NLRP12: variants seen among roughly 807,000 people sequenced by gnomAD.
NLRP12 encodes NLR family pyrin domain containing 12.
NLRP12 carries 108 observed loss-of-function variants against 91.2 expected under a neutral mutation model. The observed-to-expected ratio is 1.18, with a 90% CI of 1.01 to 1.39. The LOEUF is 1.39. Ranked by LOEUF, NLRP12 falls within the 40% of genes most tolerant of loss-of-function variation. The probability of loss-of-function intolerance (pLI) is 0.00; values close to 1 mark genes in which losing one functional copy is unlikely to be tolerated. For synonymous variants in NLRP12, 613 were observed against 566.7 expected (o/e 1.08, Z -1.16); for missense variants, 1,530 against 1,352.7 (o/e 1.13, Z -2.06).
intron 6 of NLRP12, among the ~76,000 whole-genome samples, chr19:53,802,016 T>C (rs1460247810): frequency 6.6e-6 from 1 of 151,720 alleles, no homozygotes; most frequent in Non-Finnish European, 1.5e-5. Flanking sequence ...TCACCTGAGG[T>C]TGGGAGATGG....
Position 53,795,976 on chromosome 19 carries a change from A to C in NLRP12, c.2981T>G (p.Leu994Arg). ...GTCGGTCAAGGTCTGGTTGATCCCCAGGGTGAAGTAAAGATTCTCACAAGC... is the reference window on the plus strand; with the variant it reads ...GTCGGTCAAGGTCTGGTTGATCCCCCGGGTGAAGTAAAGATTCTCACAAGC... ...AKACENLYFT[L>R]GINQTLTDLY... Residue 994 changes from leucine (L) to arginine (R), a missense_variant, in exon 9 of 10, where the codon CTG becomes CGG. Coordinates refer to ENST00000324134, the MANE Select transcript of NLRP12 (RefSeq NM_144687.4). The C allele has an allele frequency of 1.9e-6, 3 of 1,614,172 alleles. No homozygotes were observed. The South Asian group carries it at 3.3e-5, about 18-fold the overall frequency.
At chr19:53,822,823 A>G (rs1025347963) in intron 1 of NLRP12, among the ~76,000 whole-genome samples, 5 of 150,686 alleles carry the variant, frequency 3.3e-5, no homozygotes, top group Non-Finnish European at 7.4e-5. Context: ...CCTGGAGTAC[A>G]GTGGTGCAAT....
chr19:53,807,644 C>T lies in NLRP12; in HGVS notation c.2094G>A (p.Leu698=). The change falls in exon 4 of 10, where the codon CTG becomes CTA. Residue 698 remains leucine, a synonymous_variant. Transcript: ENST00000324134. ...CTGCCAGATGTTCACTGTAGGCGTCCAGCAGAACGGTCCTCTCTGGTCTGC... is the reference window on the plus strand; with the variant it reads ...CTGCCAGATGTTCACTGTAGGCGTCTAGCAGAACGGTCCTCTCTGGTCTGC... ...LVQLPERTVL[L]DAYSEHLAAA... The T allele has an allele frequency of 6.2e-7, 1 of 1,614,150 alleles. No homozygotes were observed. The highest frequency in any genetic ancestry group is 8.5e-7 in the Non-Finnish European group (1 of 1,180,034).
At chr19:53,815,172 C>T (rs2092138486) in intron 1 of NLRP12, among the ~76,000 whole-genome samples, 184 bp from the exon 2 acceptor site, 1 of 151,870 alleles carries the variant, frequency 6.6e-6, no homozygotes, top group Admixed American at 6.6e-5. Flanking sequence ...GTAGCGCACC[C>T]TCCTCCCTGG....
intron 2 of NLRP12, 52 bp downstream of exon 2, chr19:53,814,856 G>A: frequency 6.8e-7 from 1 of 1,474,896 alleles, no homozygotes; most frequent in Non-Finnish European, 9.5e-7. Flanking sequence ...ACTCCGTGGG[G>A]TCAGCTGCTC....
At chr19:53,816,799 C>A (rs1390572999) in intron 1 of NLRP12, among the ~76,000 whole-genome samples, 2 of 151,828 alleles carry the variant, frequency 1.3e-5, no homozygotes, top group Non-Finnish European at 2.9e-5. Flanking sequence ...GCCTCGGCCT[C>A]CCAAAGTGCT....
intron 7 of NLRP12, among the ~76,000 whole-genome samples, chr19:53,799,934 C>A (rs1050474907): frequency 6.6e-6 from 1 of 152,062 alleles, no homozygotes; most frequent in Admixed American, 6.6e-5. Context: ...AAGGCCAAGG[C>A]CAGAGGATCT....
intron 4 of NLRP12, 35 bp downstream of exon 4, chr19:53,807,460 G>C: frequency 6.2e-7 from 1 of 1,603,128 alleles, no homozygotes; most frequent in Non-Finnish European, 8.5e-7. Context: ...CCACGGTGGG[G>C]ACCACCTGAA....
rs781712648 is a variant in NLRP12 at position 53,810,072 on chromosome 19, G to C, written c.1587C>G (p.Asp529Glu). The change falls in exon 3 of 10, where the codon GAC (aspartate) becomes GAG (glutamate). Residue 529 changes from aspartate to glutamate, a missense_variant. Physicochemically the swap from Asp to Glu is conservative, Grantham distance 45. Transcript: ENST00000324134. ...CTGGGCCTGCCCCGCCCTCCCCCTC[G>C]TCCAGGATATAGTACATAGCTGCAA... is the stretch of plus-strand genomic sequence containing the variant. The part of the protein sequence containing the change: ...EFFAAMYYIL[D>E]EGEGGAGPDQ... 43 of 1,614,072 alleles carry C rather than the reference G, an allele frequency of 2.7e-5. No homozygotes were observed. Among genetic ancestry groups the C allele is most frequent in the Middle Eastern group, 3.3e-4 (2 of 6,062 alleles).
chr19:53,801,750 T>G (rs887141900), intron 6 of NLRP12, among the ~76,000 whole-genome samples: 5 of 151,728 alleles, frequency 3.3e-5, no homozygotes, highest in African/African-American at 1.2e-4. Context: ...CCACTGCGCC[T>G]AGGCCCCCAA....
chr19:53,795,107 C>CGTGTGTGTGTGTGT (rs56027837), intron 9 of NLRP12, among the ~76,000 whole-genome samples: 8 of 85,444 alleles, frequency 9.4e-5, no homozygotes, highest in African/African-American at 3.8e-4. Flanking sequence ...CTGGTGTGTG[C>CGTGTGTGTGTGTGT]GTGTGTGTGT....
intron 6 of NLRP12, 68 bp downstream of exon 6, chr19:53,803,884 T>A: frequency 1.3e-6 from 2 of 1,536,108 alleles, no homozygotes; most frequent in Non-Finnish European, 1.8e-6. Context: ...TGTGGATGCA[T>A]TTTTATACCA....
chr19:53,815,018 G>A (rs773420449), intron 1 of NLRP12, 30 bp from the exon 2 acceptor site: 2 of 1,524,796 alleles, frequency 1.3e-6, no homozygotes, highest in South Asian at 1.1e-5. Flanking sequence ...AGATGAGCTA[G>A]CACGCATCTG....
intron 7 of NLRP12, 103 bp downstream of exon 7, chr19:53,801,124 G>T: frequency 1.9e-6 from 2 of 1,044,298 alleles, no homozygotes; most frequent in Non-Finnish European, 2.9e-6. Context: ...TGATGTAGTA[G>T]CTAGAGTTTA....
chr19:53,803,601 TCTCA>T, intron 6 of NLRP12: 2 of 354,978 alleles, frequency 5.6e-6, no homozygotes, highest in South Asian at 2.2e-5. Context: ...TGAGATGGAG[TCTCA>T]CTCTGTCACC....
Position 53,811,198 on chromosome 19 carries a change from C to A in NLRP12, c.461G>T (p.Ser154Ile). The A allele has an allele frequency of 6.2e-7, 1 of 1,614,114 alleles. No homozygotes were observed. Among genetic ancestry groups the A allele is most frequent in the Non-Finnish European group, 8.5e-7 (1 of 1,180,032 alleles). ...CAGCAGGAGCCGGGTGTACCGGTGG[C>A]TGAGGTTGACACATTCCCCTAGGCG... Reference protein sequence around the residue: ...NARLGECVNLSHRYTRLLLVK... With the variant: ...NARLGECVNLIHRYTRLLLVK... Residue 154 changes from serine to isoleucine, a missense_variant, in exon 3 of 10, where the codon AGC becomes ATC. Physicochemically the swap from Ser to Ile is moderately radical, Grantham distance 142. Coordinates refer to ENST00000324134, the MANE Select transcript of NLRP12 (RefSeq NM_144687.4).
chr19:53,819,570 T>TATATGTATACGTATATAC lies in NLRP12; in HGVS notation c.289+4315_289+4316insGTATATACGTATACATAT, dbSNP rs1568696188. ...ATATATGTATGTATACGTATATATA[T>TATATGTATACGTATATAC]GCGTATATATGTATGTATACGTATA... On this transcript the variant is annotated intron_variant, in intron 1 of 9. Transcript: ENST00000324134. Among the ~76,000 whole-genome samples, 3 of 90,964 alleles carry TATATGTATACGTATATAC rather than the reference T, an allele frequency of 3.3e-5. 1 individual carries two copies. The allele number at this position is 90,964 out of a possible 152,430, so 59.7% of individuals were successfully genotyped here.
At chr19:53,795,805 G>T in intron 9 of NLRP12, 54 bp downstream of exon 9, 1 of 1,545,880 alleles carries the variant, frequency 6.5e-7, no homozygotes, top group Non-Finnish European at 8.9e-7. Context: ...CTACCCTCAT[G>T]CTCCCAGCCC....
chr19:53,806,679 CAAAAAAAAAAAAAA>C (rs58275455), intron 4 of NLRP12, among the ~76,000 whole-genome samples: 18 of 43,390 alleles, frequency 4.1e-4, no homozygotes, highest in South Asian at 4.0e-3. Context: ...GACTCCGTCT[CAAAAAAAAAAAAAA>C]AAAAAAAAAA....
Sources: gnomAD v4.1 joint callset for allele counts (sites outside exome capture counted in the v4.1 genomes callset) on GRCh38, gnomAD v4.1.1 for gene constraint, MANE v1.5 for transcripts, NCBI Gene and HGNC (gene_info 2026-07-23, HGNC 2026-07-21) for gene names.